PRKN: variants seen among roughly 807,000 people sequenced by gnomAD.
The protein encoded by PRKN is parkin RBR E3 ubiquitin protein ligase, also known as E3 ubiquitin-protein ligase parkin.
Under a neutral mutation model 59.5 loss-of-function variants are expected in PRKN, and 56 were observed. The observed-to-expected ratio is 0.94, with a 90% CI of 0.76 to 1.18. PRKN has a LOEUF of 1.18. PRKN is among the 50% of genes most tolerant of loss of function. The pLI, the probability that PRKN is intolerant of heterozygous loss-of-function variation, is 0.00. For missense variants in PRKN, 657 were observed against 596.4 expected (o/e 1.10, Z -1.06); for synonymous variants, 250 against 222.1 (o/e 1.13, Z -1.12).
intron 6 of PRKN, among the ~76,000 whole-genome samples, chr6:161,904,030 G>A (rs1206043062): frequency 5.3e-5 from 8 of 151,912 alleles, no homozygotes; most frequent in African/African-American, 1.9e-4. Flanking sequence ...GTTGGCCCAG[G>A]CAGACACACC....
chr6:162,666,150 T>A (rs892216799), intron 1 of PRKN, among the ~76,000 whole-genome samples: 2 of 152,178 alleles, frequency 1.3e-5, no homozygotes, highest in Admixed American at 1.3e-4. Flanking sequence ...ATTCTCAGTT[T>A]ATTCTCAATC....
chr6:162,665,788 A>C (rs1393658199), intron 1 of PRKN, among the ~76,000 whole-genome samples: 1 of 152,196 alleles, frequency 6.6e-6, no homozygotes, highest in Non-Finnish European at 1.5e-5. Flanking sequence ...CTATACTACA[A>C]GGGTACAGTA....
intron 5 of PRKN, among the ~76,000 whole-genome samples, chr6:161,994,953 A>C: frequency 6.6e-6 from 1 of 152,100 alleles, no homozygotes; most frequent in South Asian, 2.1e-4. Context: ...TAAAATATGT[A>C]TGGAACCACA....
intron 1 of PRKN, among the ~76,000 whole-genome samples, chr6:162,465,020 T>A (rs934858340): frequency 6.6e-6 from 1 of 152,014 alleles, no homozygotes; most frequent in Admixed American, 6.6e-5. Context: ...ATGTAACATA[T>A]CCCTATTCTG....
chr6:161,705,147 A>G (rs2128180335), intron 7 of PRKN, among the ~76,000 whole-genome samples: 1 of 152,282 alleles, frequency 6.6e-6, no homozygotes, highest in East Asian at 1.9e-4. Flanking sequence ...CAGATCCTCA[A>G]CTATATATAG....
intron 1 of PRKN, among the ~76,000 whole-genome samples, chr6:162,719,704 C>A (rs1017576493): frequency 1.3e-5 from 2 of 152,142 alleles, no homozygotes; most frequent in African/African-American, 2.4e-5. Flanking sequence ...CCTGTGATAA[C>A]CCTCAGAAAC....
At chr6:161,875,080 TATATG>T (rs1258860336) in intron 6 of PRKN, among the ~76,000 whole-genome samples, 3 of 121,062 alleles carry the variant, frequency 2.5e-5, no homozygotes, top group Non-Finnish European at 4.8e-5. Flanking sequence ...ATATAAAGTA[TATATG>T]ATATATTATA....
At chr6:161,433,456 C>A (rs891227286) in intron 9 of PRKN, among the ~76,000 whole-genome samples, 4 of 151,998 alleles carry the variant, frequency 2.6e-5, no homozygotes, top group Admixed American at 2.6e-4. Context: ...GTTTTTAATT[C>A]TAGAAATTAA....
chr6:162,469,903 G>T (rs1791645457), intron 1 of PRKN, among the ~76,000 whole-genome samples: 2 of 152,276 alleles, frequency 1.3e-5, no homozygotes, highest in South Asian at 4.2e-4. Context: ...AAAAAAGAAA[G>T]TGTGGGTGAA....
At chr6:161,972,358 A>G (rs1032729653) in intron 6 of PRKN, among the ~76,000 whole-genome samples, 2 of 152,146 alleles carry the variant, frequency 1.3e-5, no homozygotes, top group Non-Finnish European at 2.9e-5. Flanking sequence ...CCAACTTCAA[A>G]GAACATGTAA....
Position 161,821,719 on chromosome 6 carries a change from C to CTTTTTTTTTTTTT in PRKN, c.735-35824_735-35812dup, listed in dbSNP as rs531807176. 4.2e-4 allele frequency among the ~76,000 whole-genome samples: 27 copies of CTTTTTTTTTTTTT among 64,700 alleles called. 2 individuals carry two copies. Among genetic ancestry groups the CTTTTTTTTTTTTT allele is most frequent in the East Asian group, 5.1e-4 (1 of 1,944 alleles). The allele number at this position is 64,700 out of a possible 152,430, so 42.4% of individuals were successfully genotyped here. The stretch of plus-strand genomic sequence containing the variant: ...TTTGGAAAATATTTCCACTGGTGTT[C>CTTTTTTTTTTTTT]TTTTTTTTTTTTTTTTTTTTTTTTT... On this transcript the variant is annotated intron_variant, in intron 6 of 11. Transcript: ENST00000366898.
intron 2 of PRKN, among the ~76,000 whole-genome samples, chr6:162,436,351 T>G (rs968754652): frequency 2.0e-5 from 3 of 151,856 alleles, no homozygotes; most frequent in South Asian, 4.2e-4. Flanking sequence ...TTTTTTTTTT[T>G]TGAAACAGAG....
At chr6:162,591,037 A>G (rs929204081) in intron 1 of PRKN, among the ~76,000 whole-genome samples, 1 of 152,018 alleles carries the variant, frequency 6.6e-6, no homozygotes, top group African/African-American at 2.4e-5. Flanking sequence ...AAGGAACAGG[A>G]GCCAGATTCC....
At chr6:161,755,210 G>T (rs974133144) in intron 7 of PRKN, among the ~76,000 whole-genome samples, 46 of 152,122 alleles carry the variant, frequency 3.0e-4, no homozygotes, top group African/African-American at 1.1e-3. Context: ...TAGGGGAGGT[G>T]CATGACAGAA....
At chr6:162,179,841 A>G (rs1424769066) in intron 4 of PRKN, among the ~76,000 whole-genome samples, 1 of 152,160 alleles carries the variant, frequency 6.6e-6, no homozygotes, top group African/African-American at 2.4e-5. Flanking sequence ...ACTACCAAGC[A>G]GCAAACAGAT....
intron 7 of PRKN, among the ~76,000 whole-genome samples, chr6:161,715,433 T>A (rs1786933279): frequency 6.6e-6 from 1 of 152,140 alleles, no homozygotes; most frequent in South Asian, 2.1e-4. Flanking sequence ...TTTTTGTTTA[T>A]CTGTATGTTA....
At chr6:161,568,843 T>C (rs1290882118) in intron 8 of PRKN, among the ~76,000 whole-genome samples, 2 of 152,140 alleles carry the variant, frequency 1.3e-5, no homozygotes, top group Non-Finnish European at 2.9e-5. Flanking sequence ...CACGCCTCAC[T>C]GAGCACAACA....
intron 7 of PRKN, among the ~76,000 whole-genome samples, chr6:161,760,393 T>C (rs1419066168): frequency 2.0e-5 from 3 of 151,206 alleles, no homozygotes; most frequent in African/African-American, 7.3e-5. Context: ...ACAACACCTT[T>C]AAAGATGGAA....
At chr6:162,042,383 C>T (rs138485300) in intron 5 of PRKN, among the ~76,000 whole-genome samples, 20 of 152,120 alleles carry the variant, frequency 1.3e-4, no homozygotes, top group African/African-American at 4.3e-4. Flanking sequence ...ACTCCACCTC[C>T]GGGGCTAAAG....
Sources: gnomAD v4.1 joint callset for allele counts (sites outside exome capture counted in the v4.1 genomes callset) on GRCh38, gnomAD v4.1.1 for gene constraint, MANE v1.5 for transcripts, NCBI Gene and HGNC (gene_info 2026-07-23, HGNC 2026-07-21) for gene names.